PADI4: variants seen among roughly 807,000 people sequenced by gnomAD.
PADI4 encodes protein-arginine deiminase type-4.
PADI4 carries 62 observed loss-of-function variants against 75.0 expected under a neutral mutation model. The observed-to-expected ratio is 0.83, with a 90% confidence interval of 0.67 to 1.02. PADI4 has a LOEUF of 1.02. Ranked by LOEUF, PADI4 falls within the 50% of genes least tolerant of loss-of-function variation. The pLI is 0.00. For synonymous variants in PADI4, 361 were observed against 348.1 expected, an observed-to-expected ratio of 1.04 and a Z score of -0.41; for missense variants, 845 against 850.5, an observed-to-expected ratio of 0.99 and a Z score of 0.08.
At chr1:17,313,897 T>C (rs2073889101) in intron 1 of PADI4, among the ~76,000 whole-genome samples, 2 of 152,180 alleles carry the variant, frequency 1.3e-5, no homozygotes, top group African/African-American at 4.8e-5. Flanking sequence ...ACACCTGGTG[T>C]GAACCCCCAG....
chr1:17,342,206 G>T, intron 7 of PADI4, 85 bp downstream of exon 7: 1 of 1,471,604 alleles, frequency 6.8e-7, no homozygotes, highest in African/African-American at 1.4e-5. Flanking sequence ...AGCCCAGCTG[G>T]GCAGGGGGAC....
At chr1:17,355,059 C>G (rs529531527) in intron 11 of PADI4, among the ~76,000 whole-genome samples, 2 of 152,070 alleles carry the variant, frequency 1.3e-5, no homozygotes, top group Non-Finnish European at 2.9e-5. Context: ...GAGAGGGGCA[C>G]GGGAGGAATA....
intron 6 of PADI4, among the ~76,000 whole-genome samples, chr1:17,341,327 C>T (rs1274896457): frequency 6.6e-6 from 1 of 152,158 alleles, no homozygotes; most frequent in Non-Finnish European, 1.5e-5. Context: ...TCTGGATCTC[C>T]TGACCTTGTG....
At chr1:17,311,855 G>A (rs967335032) in intron 1 of PADI4, among the ~76,000 whole-genome samples, 1 of 152,140 alleles carries the variant, frequency 6.6e-6, no homozygotes, top group Admixed American at 6.5e-5. Context: ...CAGTTGGCAT[G>A]ACAGTGGGGA....
At chr1:17,355,289 C>T (rs1433018811) in intron 11 of PADI4, among the ~76,000 whole-genome samples, 1 of 152,206 alleles carries the variant, frequency 6.6e-6, no homozygotes, top group East Asian at 1.9e-4. Context: ...CAGTGGCTCA[C>T]ACCTGTAATC....
intron 10 of PADI4, among the ~76,000 whole-genome samples, chr1:17,352,674 C>A (rs1570087190): frequency 6.6e-6 from 1 of 152,078 alleles, no homozygotes; most frequent in East Asian, 1.9e-4. Flanking sequence ...CAGGCACCAT[C>A]CCCTGGGAGG....
Position 17,342,391 on chromosome 1 carries a change from G to A in PADI4, c.924G>A (p.Val308=), listed in dbSNP as rs1422241054. ...MTPNTQPPQE[V]YACSIFENED... ...CCAACACCCAGCCCCCGCAGGAGGT[G>A]TACGCGTGCAGGTGAGAGGTCCTGG... The change falls in exon 8 of 16, where the codon GTG becomes GTA. Residue 308 remains valine, a synonymous_variant. Coordinates refer to ENST00000375448, the MANE Select transcript of PADI4 (RefSeq NM_012387.3). 1.2e-6 allele frequency: 2 copies of A among 1,610,716 alleles called. No homozygotes were observed. Among genetic ancestry groups the A allele is most frequent in the African/African-American group, 1.3e-5 (1 of 74,994 alleles).
rs936979018 is a variant in PADI4 at position 17,363,400 on chromosome 1, G to A, written c.1759-122G>A. 34 of 672,818 alleles carry A rather than the reference G, an allele frequency of 5.1e-5. 1 individual carries two copies. Among genetic ancestry groups the A allele is most frequent in the Non-Finnish European group, 1.9e-5 (7 of 377,686 alleles). The allele number at this position is 672,818 out of a possible 1,614,324, so 41.7% of individuals were successfully genotyped here. A position where few individuals can be genotyped will look rare whatever the true frequency, so the allele number is the denominator to read the frequency against. On this transcript the variant is annotated intron_variant, in intron 15 of 15. Transcript: ENST00000375448. Reference sequence around the variant, plus strand: ...AGCCTCCCAAAGTGCTGGGACTACAGGTCTGAGCCACCACCCCTGGAGGGG... The same window carrying A: ...AGCCTCCCAAAGTGCTGGGACTACAAGTCTGAGCCACCACCCCTGGAGGGG...
At chr1:17,340,050 GCGCACACA>G (rs796308309) in intron 6 of PADI4, among the ~76,000 whole-genome samples, 1,517 of 148,718 alleles carry the variant, frequency 0.01, 29 homozygotes, top group African/African-American at 0.032. Context: ...ACACACGCGC[GCGCACACA>G]CACACACACA....
intron 10 of PADI4, among the ~76,000 whole-genome samples, chr1:17,354,068 C>T (rs56178530): frequency 0.17 from 25,476 of 149,646 alleles, 2,742 homozygotes; most frequent in East Asian, 0.39. Context: ...GGTGAAACCC[C>T]ATCTCTACTA....
chr1:17,323,868 CACAA>C (rs1054621794), intron 1 of PADI4, among the ~76,000 whole-genome samples: 1 of 138,248 alleles, frequency 7.2e-6, no homozygotes, highest in Non-Finnish European at 1.6e-5. Context: ...ACAAAAAAAA[CACAA>C]ACAAACAAAA....
At position 17,356,141 on chromosome 1, in the gene PADI4, G is replaced by T; in HGVS notation, c.1455+14G>T. The T allele has an allele frequency of 6.2e-7, 1 of 1,612,684 alleles. No individual in the cohort carries two copies. The highest frequency in any genetic ancestry group is 8.5e-7 in the Non-Finnish European group (1 of 1,179,020). On this transcript the variant is annotated intron_variant, in intron 12 of 15. Transcript: ENST00000375448. The surrounding 1 kb of genome is among the most constrained non-coding windows in gnomAD (Gnocchi z 4.1). The stretch of plus-strand genomic sequence containing the variant: ...CCCGACAGGAAGGTACAGTCTTGGG[G>T]GCTGCCTCAGGAAGCCATGCCTCCT...
intron 1 of PADI4, among the ~76,000 whole-genome samples, chr1:17,321,343 A>G (rs1569996547): frequency 6.6e-6 from 1 of 152,334 alleles, no homozygotes; most frequent in East Asian, 1.9e-4. Flanking sequence ...ACTGGGGGCC[A>G]GGCCAGGGCC....
intron 1 of PADI4, among the ~76,000 whole-genome samples, chr1:17,313,873 T>C (rs35943476): frequency 0.016 from 2,431 of 152,310 alleles, 33 homozygotes; most frequent in Non-Finnish European, 0.024. Flanking sequence ...GGTCACACGC[T>C]TGAGGGCATG....
At chr1:17,332,215 G>A (rs532288467) in intron 2 of PADI4, among the ~76,000 whole-genome samples, 1 of 152,244 alleles carries the variant, frequency 6.6e-6, no homozygotes, top group South Asian at 2.1e-4. Context: ...GGGCCCAGCT[G>A]GATGGTCCAG....
rs565362177 is a variant in PADI4, at chr1:17,325,884, A to T, written c.93-5085A>T. The stretch of plus-strand genomic sequence containing the variant: ...CTACCCAGTTAATTTTTGTATTTTT[A>T]GTAGAGACAGGGTTTTGCCACGTTG... On this transcript the variant is annotated intron_variant, in intron 1 of 15. Coordinates refer to ENST00000375448, the MANE Select transcript of PADI4 (RefSeq NM_012387.3). Among the ~76,000 whole-genome samples, 4 of 152,132 alleles carry T rather than the reference A, an allele frequency of 2.6e-5. No homozygotes were observed. The South Asian group carries it at 8.3e-4, about 32-fold the overall frequency.
chr1:17,344,159 T>C (rs2074473410), intron 8 of PADI4, among the ~76,000 whole-genome samples: 1 of 152,166 alleles, frequency 6.6e-6, no homozygotes, highest in South Asian at 2.1e-4. Flanking sequence ...AGGTGACTCT[T>C]GTTATGTTTT....
intron 1 of PADI4, among the ~76,000 whole-genome samples, chr1:17,322,163 A>G (rs2074040595): frequency 6.6e-6 from 1 of 152,142 alleles, no homozygotes; most frequent in Admixed American, 6.5e-5. Context: ...ACCTGTAAAG[A>G]TAAGCTCTGT....
Position 17,317,259 on chromosome 1 carries a change from A to G in PADI4, c.92+8945A>G, listed in dbSNP as rs140490717. On this transcript the variant is annotated intron_variant, in intron 1 of 15. Transcript: ENST00000375448. Reference sequence around the variant, plus strand: ...GGCTTTTCTGCATAAGAAAATAGCAATAACAATGCACGCCACAGACATAAT... The same window carrying G: ...GGCTTTTCTGCATAAGAAAATAGCAGTAACAATGCACGCCACAGACATAAT... Among the ~76,000 whole-genome samples the G allele has an allele frequency of 6.6e-3, 993 of 150,520 alleles. 4 individuals are homozygous for G. The highest frequency in any genetic ancestry group is 0.01 in the Non-Finnish European group (698 of 67,662).
Sources: allele counts gnomAD v4.1 joint callset (sites outside exome capture counted in the v4.1 genomes callset), GRCh38; gene constraint gnomAD v4.1.1; non-coding constraint Gnocchi (gnomAD v3.1); transcripts MANE v1.5; gene names NCBI Gene and HGNC (gene_info 2026-07-23, HGNC 2026-07-21).